Variants in DNAAF9 observed in about 807,000 individuals in gnomAD.
The protein encoded by DNAAF9 is dynein axonemal assembly factor 9, also known as shulin.
A neutral mutation model predicts 167.0 loss-of-function variants in DNAAF9; 90 were observed. The observed-to-expected ratio is 0.54, with a 90% CI of 0.45 to 0.64. The LOEUF (loss-of-function observed/expected upper bound fraction) is 0.64, where lower values mean the gene tolerates loss of function less well. Ranked by LOEUF, DNAAF9 falls within the 30% of genes least tolerant of loss-of-function variation. The pLI is 0.00. For missense variants in DNAAF9, 1,315 were observed against 1,442.2 expected, an observed-to-expected ratio of 0.91 and a Z score of 1.43; for synonymous variants, 491 against 508.8, an observed-to-expected ratio of 0.96 and a Z score of 0.47.
At chr20:3,332,889 TGTGTGCGTGTG>T (rs1212930506) in intron 10 of DNAAF9, among the ~76,000 whole-genome samples, 6 of 133,710 alleles carry the variant, frequency 4.5e-5, no homozygotes, top group South Asian at 4.9e-4. Context: ...CGTGTGTGCG[TGTGTGCGTGTG>T]GTGTGTGTGT....
At chr20:3,260,226 CT>C (rs1486516897) in intron 31 of DNAAF9, among the ~76,000 whole-genome samples, 198 bp from the exon 32 acceptor site, 12 of 151,842 alleles carry the variant, frequency 7.9e-5, no homozygotes, top group African/African-American at 2.4e-4. Flanking sequence ...GTAGTCCCAG[CT>C]ACTCGGGAGG....
rs753666894 is a variant in DNAAF9 at position 3,310,344 on chromosome 20, AGAAAG to A, written c.1678+4684_1678+4688del. Among the ~76,000 whole-genome samples the A allele has an allele frequency of 3.3e-3, 345 of 103,184 alleles. 3 individuals carry two copies. Among genetic ancestry groups the A allele is most frequent in the South Asian group, 0.026 (90 of 3,506 alleles). 67.7% of individuals were successfully genotyped at this position (103,184 alleles called of 152,430 possible). On this transcript the variant is annotated intron_variant, in intron 20 of 36. Transcript: ENST00000252032. Reference sequence around the variant, plus strand: ...AGGAAAGAGAAAGAAAAAGAAAGAAAGAAAGAAAGAAAGAAAGAAAGAAAGAAAGA... The same window carrying A: ...AGGAAAGAGAAAGAAAAAGAAAGAAAAAAGAAAGAAAGAAAGAAAGAAAGA...
At chr20:3,336,822 T>A (rs1348643912) in intron 10 of DNAAF9, among the ~76,000 whole-genome samples, 1 of 151,886 alleles carries the variant, frequency 6.6e-6, no homozygotes, top group East Asian at 1.9e-4. Context: ...GGATTAAAGT[T>A]GTAAGCCACC....
chr20:3,302,804 G>C (rs2069214614), intron 21 of DNAAF9, among the ~76,000 whole-genome samples: 1 of 151,990 alleles, frequency 6.6e-6, no homozygotes, highest in African/African-American at 2.4e-5. Flanking sequence ...AGATGAAAAA[G>C]GGCATGAGAA....
intron 33 of DNAAF9, among the ~76,000 whole-genome samples, chr20:3,257,130 G>A (rs966448737): frequency 6.6e-6 from 1 of 152,112 alleles, no homozygotes; most frequent in Non-Finnish European, 1.5e-5. Flanking sequence ...CCAAGAAGTG[G>A]GCAAGGGCTC....
intron 1 of DNAAF9, among the ~76,000 whole-genome samples, chr20:3,392,678 T>C (rs1028584634): frequency 9.2e-5 from 14 of 152,228 alleles, no homozygotes; most frequent in Admixed American, 5.2e-4. Flanking sequence ...CAACTGTGCA[T>C]GAACAGCCAG....
intron 30 of DNAAF9, among the ~76,000 whole-genome samples, chr20:3,266,798 A>C (rs544539952): frequency 6.6e-6 from 1 of 150,882 alleles, no homozygotes; most frequent in South Asian, 2.1e-4. Context: ...AGTTCTATCA[A>C]ACCTTATTTA....
chr20:3,353,899 G>A (rs973380964), intron 7 of DNAAF9, among the ~76,000 whole-genome samples: 9 of 152,066 alleles, frequency 5.9e-5, no homozygotes, highest in African/African-American at 2.2e-4. Context: ...CCCTGAGGGA[G>A]GTGGATATGT....
chr20:3,270,299 C>A, intron 30 of DNAAF9, 128 bp downstream of exon 30: 2 of 832,222 alleles, frequency 2.4e-6, no homozygotes, highest in Non-Finnish European at 2.0e-6. Flanking sequence ...CGTGCCACCG[C>A]ACCTGGCTCA....
At chr20:3,341,708 T>C (rs1038296511) in intron 9 of DNAAF9, among the ~76,000 whole-genome samples, 2 of 152,180 alleles carry the variant, frequency 1.3e-5, no homozygotes, top group African/African-American at 4.8e-5. Context: ...ACTGCAACAC[T>C]TCCTCACTGT....
chr20:3,394,942 CTTTTTTCTTTTTTT>C lies in DNAAF9; in HGVS notation c.84-12450_84-12437del, dbSNP rs2083880542. 3.1e-4 allele frequency among the ~76,000 whole-genome samples: 28 copies of C among 89,054 alleles called. 1 individual carries two copies. Among genetic ancestry groups the C allele is most frequent in the East Asian group, 1.6e-3 (4 of 2,428 alleles). The allele number at this position is 89,054 out of a possible 152,430, so 58.4% of individuals were successfully genotyped here. ...TTCCATGGCTTTTACTGAACATTTTCTTTTTTCTTTTTTTTTTTTTTTTTTTTTTTTTTTTTTTT... is the reference window on the plus strand; with the variant it reads ...TTCCATGGCTTTTACTGAACATTTTCTTTTTTTTTTTTTTTTTTTTTTTTT... On this transcript the variant is annotated intron_variant, in intron 1 of 36. Transcript: ENST00000252032.
chr20:3,253,754 G>C lies in DNAAF9; in HGVS notation c.3393C>G (p.Phe1131Leu), dbSNP rs2068231584. Reference protein sequence around the residue: ...YFYNGTQFVNFFGDKTDFHPL... With the variant: ...YFYNGTQFVNLFGDKTDFHPL... ...GGTGAAAATCAGTTTTGTCACCAAA[G>C]AAGTTAACAAATTGGGTGCCATTAT... is the stretch of plus-strand genomic sequence containing the variant. Residue 1131 changes from phenylalanine to leucine, a missense_variant, in exon 36 of 37, where the codon TTC becomes TTG. By Grantham distance (22) the Phe-to-Leu change is conservative (BLOSUM62 0). This residue lies in a region of DNAAF9 where 334 missense variants were observed against 429.7 expected (regional missense o/e 0.78). Coordinates refer to ENST00000252032, the MANE Select transcript of DNAAF9 (RefSeq NM_001009984.3). 1.9e-6 allele frequency: 3 copies of C among 1,612,364 alleles called. No individual in the cohort carries two copies. The highest frequency in any genetic ancestry group is 1.7e-4 in the Middle Eastern group (1 of 6,056).
intron 1 of DNAAF9, 26 bp from the exon 2 acceptor site, chr20:3,382,532 C>A: frequency 1.9e-6 from 3 of 1,599,442 alleles, no homozygotes; most frequent in Non-Finnish European, 1.7e-6. Context: ...AAAATGGTCC[C>A]CTGAGTGCCA....
chr20:3,263,956 C>T (rs1434357748), intron 31 of DNAAF9, among the ~76,000 whole-genome samples: 1 of 152,230 alleles, frequency 6.6e-6, no homozygotes, highest in Admixed American at 6.5e-5. Flanking sequence ...CTTTGCAGCA[C>T]ACTCTCTCCT....
intron 29 of DNAAF9, among the ~76,000 whole-genome samples, chr20:3,273,355 G>A (rs1485245649): frequency 1.3e-5 from 2 of 152,184 alleles, no homozygotes; most frequent in African/African-American, 2.4e-5. Context: ...GTGTCAGGCT[G>A]TTTTGGGGTT....
At position 3,256,206 on chromosome 20, in the gene DNAAF9, C is replaced by G. The variant is rs1568559416; in HGVS notation, c.3061G>C (p.Glu1021Gln). 1 of 1,613,162 alleles carries G rather than the reference C, an allele frequency of 6.2e-7. No homozygotes were observed. The highest frequency in any genetic ancestry group is 8.5e-7 in the Non-Finnish European group (1 of 1,179,104). The change falls in exon 34 of 37, where the codon GAG becomes CAG. Residue 1021 changes from glutamate to glutamine, a missense_variant. By Grantham distance (29) the Glu-to-Gln change is conservative. Transcript: ENST00000252032. ...ILGKVKFSDS[E>Q]RTMEVCYNTL... ...TTGTAGCAGACCTCCATGGTCCTCT[C>G]AGAGTCTGTAAGGAGAATACACATT...
chr20:3,383,460 G>A (rs951931021), intron 1 of DNAAF9, among the ~76,000 whole-genome samples: 3 of 151,652 alleles, frequency 2.0e-5, no homozygotes, highest in African/African-American at 7.3e-5. Context: ...CAGAGATGGA[G>A]TTTTGCCATG....
At chr20:3,298,575 C>A (rs2069125199) in intron 21 of DNAAF9, among the ~76,000 whole-genome samples, 1 of 152,154 alleles carries the variant, frequency 6.6e-6, no homozygotes, top group Non-Finnish European at 1.5e-5. Flanking sequence ...CCACCTTGGC[C>A]TCCCCAAGTG....
At chr20:3,257,354 G>GA (rs1314285836) in intron 33 of DNAAF9, among the ~76,000 whole-genome samples, 1 of 150,700 alleles carries the variant, frequency 6.6e-6, no homozygotes. Flanking sequence ...CCACAAAAAA[G>GA]AAAAAAAATC....
Sources: allele counts gnomAD v4.1 joint callset (sites outside exome capture counted in the v4.1 genomes callset), GRCh38; gene constraint gnomAD v4.1.1; regional missense constraint gnomAD v4.1.1; transcripts MANE v1.5; gene names NCBI Gene and HGNC (gene_info 2026-07-23, HGNC 2026-07-21).